CLVS1: variants seen among roughly 807,000 people sequenced by gnomAD.
CLVS1 encodes clavesin 1.
CLVS1 carries 10 observed loss-of-function variants against 33.1 expected under a neutral mutation model. That is an observed-to-expected ratio of 0.30 (90% CI 0.19 to 0.51). CLVS1 has a LOEUF of 0.51. CLVS1 is among the 20% of genes least tolerant of loss of function. The probability of loss-of-function intolerance (pLI) is 0.97; values close to 1 mark genes in which losing one functional copy is unlikely to be tolerated. For synonymous variants in CLVS1, 163 were observed against 166.1 expected (o/e 0.98, Z 0.14); for missense variants, 343 against 433.4 (o/e 0.79, Z 1.85).
At chr8:61,346,099 G>GTAAA (rs1181955012) in intron 2 of CLVS1, among the ~76,000 whole-genome samples, 1 of 152,128 alleles carries the variant, frequency 6.6e-6, no homozygotes, top group Non-Finnish European at 1.5e-5. Context: ...AAATAAATAA[G>GTAAA]TAAATAAATA....
At chr8:61,089,910 A>G (rs1805201338) in intron 1 of CLVS1, among the ~76,000 whole-genome samples, 1 of 152,100 alleles carries the variant, frequency 6.6e-6, no homozygotes, top group Non-Finnish European at 1.5e-5. Flanking sequence ...ACAGAGTGAG[A>G]CCATGTTTTG....
intron 2 of CLVS1, among the ~76,000 whole-genome samples, chr8:61,375,098 G>T (rs1266041554): frequency 6.6e-6 from 1 of 151,888 alleles, no homozygotes; most frequent in Non-Finnish European, 1.5e-5. Flanking sequence ...AAATTGTATT[G>T]ATTCCTTTCA....
At chr8:61,349,944 C>T in intron 2 of CLVS1, among the ~76,000 whole-genome samples, 1 of 152,106 alleles carries the variant, frequency 6.6e-6, no homozygotes, top group Non-Finnish European at 1.5e-5. Flanking sequence ...CACATGCTGT[C>T]TTTGCCATGT....
At position 61,121,287 on chromosome 8, in the gene CLVS1, G is replaced by A. The variant is rs542695023; in HGVS notation, c.-242-10483G>A. 2.6e-5 allele frequency among the ~76,000 whole-genome samples: 4 copies of A among 152,262 alleles called. No individual in the cohort carries two copies. The South Asian group carries it at 8.3e-4, about 32-fold the overall frequency. ...CACCCACTGTCTGGCACTCCCTAGT[G>A]AGATGAACCCGGTACCTCAGATGGA... On this transcript the variant is annotated intron_variant, in intron 1 of 2. Coordinates refer to the CLVS1 transcript ENST00000522621.
chr8:61,362,657 T>C (rs1050692526), intron 2 of CLVS1, among the ~76,000 whole-genome samples: 6 of 152,190 alleles, frequency 3.9e-5, no homozygotes, highest in Non-Finnish European at 7.4e-5. Context: ...TTTTCAGAGG[T>C]CCCCCAATTG....
intron 3 of CLVS1, among the ~76,000 whole-genome samples, chr8:61,382,958 A>T (rs973354288): frequency 6.6e-6 from 1 of 152,232 alleles, no homozygotes; most frequent in Non-Finnish European, 1.5e-5. Flanking sequence ...TACATGCAAC[A>T]TGCCTGGTAG....
chr8:61,158,927 A>G (rs545470256), intron 2 of CLVS1, among the ~76,000 whole-genome samples: 9 of 152,334 alleles, frequency 5.9e-5, no homozygotes, highest in African/African-American at 2.2e-4. Context: ...CCTGGGCCCA[A>G]GTGATCCTCC....
intron 3 of CLVS1, among the ~76,000 whole-genome samples, chr8:61,452,371 C>T (rs939059711): frequency 1.3e-5 from 2 of 152,072 alleles, no homozygotes; most frequent in African/African-American, 2.4e-5. Context: ...ATAGTGAAGC[C>T]CTGGTTTTAT....
chr8:61,371,538 T>C (rs1039785029), intron 2 of CLVS1, among the ~76,000 whole-genome samples: 1 of 151,298 alleles, frequency 6.6e-6, no homozygotes, highest in Non-Finnish European at 1.5e-5. Flanking sequence ...CTATTCCTTC[T>C]AAAAAAAAAT....
chr8:61,104,156 TC>T (rs752297057), intron 1 of CLVS1, among the ~76,000 whole-genome samples: 6 of 152,160 alleles, frequency 3.9e-5, no homozygotes, highest in Non-Finnish European at 7.3e-5. Context: ...AGCAAAATCA[TC>T]CTTGCAAAAT....
chr8:61,439,862 A>T (rs890749354), intron 3 of CLVS1, among the ~76,000 whole-genome samples: 1 of 152,204 alleles, frequency 6.6e-6, no homozygotes, highest in Admixed American at 6.5e-5. Context: ...TGGGACTAAG[A>T]AACATGTAGG....
chr8:61,192,500 C>A (rs531080359), intron 2 of CLVS1, among the ~76,000 whole-genome samples: 4 of 152,040 alleles, frequency 2.6e-5, no homozygotes, highest in African/African-American at 9.7e-5. Flanking sequence ...AAAGCAATGG[C>A]AACAAAAGCT....
At chr8:61,071,019 C>G (rs188668352) in intron 1 of CLVS1, among the ~76,000 whole-genome samples, 1 of 152,182 alleles carries the variant, frequency 6.6e-6, no homozygotes, top group Non-Finnish European at 1.5e-5. Flanking sequence ...TCTACAGAAC[C>G]AACATCCGCT....
Position 61,082,745 on chromosome 8 carries a change from C to T in CLVS1, c.-243+25515C>T, listed in dbSNP as rs373205993. 2.0e-5 allele frequency among the ~76,000 whole-genome samples: 3 copies of T among 152,184 alleles called. No individual in the cohort carries two copies. In the East Asian group the frequency reaches 5.8e-4, roughly 29 times the overall value. On this transcript the variant is annotated intron_variant, in intron 1 of 2. Transcript: ENST00000522621. ...GAATTCTGTGTCTGGAGAGATTGTC[C>T]TTCAAAAGGAAGGGATAGGCCAGGT... is the stretch of plus-strand genomic sequence containing the variant.
intron 2 of CLVS1, chr8:61,131,933 A>G (rs1806106775): frequency 6.6e-6 from 1 of 152,212 alleles, no homozygotes; most frequent in South Asian, 2.1e-4. Flanking sequence ...GAAGCTGGCT[A>G]TTAATGGAGG....
intron 2 of CLVS1, among the ~76,000 whole-genome samples, chr8:61,224,118 C>T (rs1236019585): frequency 6.6e-6 from 1 of 152,070 alleles, no homozygotes; most frequent in East Asian, 1.9e-4. Context: ...GACCATGTGC[C>T]TTTAGCTCAG....
rs150916648 is a variant in CLVS1 at position 61,204,599 on chromosome 8, AG to A, written c.-152+72740del. On this transcript the variant is annotated intron_variant, in intron 2 of 2. Transcript: ENST00000522621. ...CCTAAACATTCTGTAAATGACATTA[AG>A]TACATTATTTCCTCATTAAAAATAA... Among the ~76,000 whole-genome samples, 1,028 of 152,344 alleles carry A rather than the reference AG, an allele frequency of 6.7e-3. 16 individuals carry two copies. The highest frequency in any genetic ancestry group is 0.023 in the African/African-American group (967 of 41,580).
At chr8:61,102,679 G>T (rs1805472123) in intron 1 of CLVS1, among the ~76,000 whole-genome samples, 1 of 152,192 alleles carries the variant, frequency 6.6e-6, no homozygotes, top group African/African-American at 2.4e-5. Context: ...ACCCTCACAA[G>T]TTCTTCACTC....
chr8:60,969,557 A>G, the CLVS1 span, among the ~76,000 whole-genome samples: 1 of 152,142 alleles, frequency 6.6e-6, no homozygotes, highest in Admixed American at 6.5e-5. Context: ...GTCCTATCCC[A>G]TCATGGCCAG....
Sources: allele counts gnomAD v4.1 joint callset (sites outside exome capture counted in the v4.1 genomes callset), GRCh38; gene constraint gnomAD v4.1.1; transcripts MANE v1.5; gene names NCBI Gene and HGNC (gene_info 2026-07-23, HGNC 2026-07-21).